RARB: variants seen among roughly 807,000 people sequenced by gnomAD.
RARB encodes the protein HBV-activated protein.
In RARB, 17 loss-of-function variants were observed where a neutral mutation model predicts 51.9. The ratio of observed to expected loss-of-function variants is 0.33; its 90% CI spans 0.22 to 0.49. The LOEUF (loss-of-function observed/expected upper bound fraction) is 0.49, where lower values mean the gene tolerates loss of function less well. Ranked by LOEUF, RARB falls within the 20% of genes least tolerant of loss-of-function variation. RARB has a pLI of 0.99. For synonymous variants in RARB, 215 were observed against 195.4 expected (o/e 1.10, Z -0.84); for missense variants, 369 against 550.8 (o/e 0.67, Z 3.30).
chr3:24,837,228 T>C (rs1460704826), intron 1 of RARB, among the ~76,000 whole-genome samples: 1 of 152,238 alleles, frequency 6.6e-6, no homozygotes, highest in Non-Finnish European at 1.5e-5. Flanking sequence ...CCATGAATAA[T>C]GTGGTCATCT....
intron 2 of RARB, among the ~76,000 whole-genome samples, chr3:24,889,372 T>G (rs1292642646): frequency 6.6e-6 from 1 of 152,294 alleles, no homozygotes; most frequent in African/African-American, 2.4e-5. Context: ...AAATCTTGAC[T>G]TCTCAAAAAA....
intron 3 of RARB, among the ~76,000 whole-genome samples, chr3:25,109,227 C>A (rs1699559579): frequency 6.6e-6 from 1 of 152,080 alleles, no homozygotes; most frequent in African/African-American, 2.4e-5. Flanking sequence ...AATATATTAG[C>A]TGGTATTTCA....
chr3:25,456,349 T>C (rs983250779), intron 1 of RARB, among the ~76,000 whole-genome samples: 1 of 151,834 alleles, frequency 6.6e-6, no homozygotes, highest in Non-Finnish European at 1.5e-5. Flanking sequence ...TCTTGGGGGG[T>C]GGAGGAAGGC....
At chr3:25,303,556 T>C (rs1466583773) in intron 5 of RARB, among the ~76,000 whole-genome samples, 1 of 152,210 alleles carries the variant, frequency 6.6e-6, no homozygotes, top group Non-Finnish European at 1.5e-5. Flanking sequence ...TCTAATCTCC[T>C]GTGATCTTTT....
chr3:24,950,332 C>G (rs1695862696), intron 2 of RARB, among the ~76,000 whole-genome samples: 1 of 152,118 alleles, frequency 6.6e-6, no homozygotes, highest in African/African-American at 2.4e-5. Context: ...AATACATGTT[C>G]TTCACATAAT....
chr3:25,008,172 G>A (rs982640217), intron 2 of RARB, among the ~76,000 whole-genome samples: 2 of 152,060 alleles, frequency 1.3e-5, no homozygotes, highest in African/African-American at 2.4e-5. Flanking sequence ...ACAGTGTTTC[G>A]TTTGGGCAGT....
At chr3:25,375,198 A>G (rs1037813474) in intron 5 of RARB, among the ~76,000 whole-genome samples, 3 of 152,224 alleles carry the variant, frequency 2.0e-5, no homozygotes, top group African/African-American at 7.2e-5. Context: ...AAAAATCATT[A>G]GCTTCAAACA....
chr3:25,477,404 G>A (rs1326362737), intron 2 of RARB, among the ~76,000 whole-genome samples: 1 of 152,104 alleles, frequency 6.6e-6, no homozygotes, highest in Non-Finnish European at 1.5e-5. Context: ...TTACACAATG[G>A]TTGAACTTAT....
chr3:25,070,157 C>A (rs73149149), intron 3 of RARB, among the ~76,000 whole-genome samples: 1 of 152,156 alleles, frequency 6.6e-6, no homozygotes, highest in Admixed American at 6.5e-5. Flanking sequence ...CCTTCACCAG[C>A]GCATGGCGTT....
At chr3:25,153,375 C>G (rs2125342519) in intron 4 of RARB, among the ~76,000 whole-genome samples, 1 of 152,270 alleles carries the variant, frequency 6.6e-6, no homozygotes, top group Admixed American at 6.5e-5. Context: ...AAATGTGGCT[C>G]AAAATCTCAT....
At chr3:25,228,849 G>A (rs565464874) in intron 5 of RARB, among the ~76,000 whole-genome samples, 4 of 152,270 alleles carry the variant, frequency 2.6e-5, no homozygotes, top group Admixed American at 1.3e-4. Context: ...TCTCCTAGAA[G>A]AGCAAATCTT....
In RARB at chr3:25,460,323, A is replaced by C. The variant is rs562712931; in HGVS notation, c.158-870A>C. Among the ~76,000 whole-genome samples the C allele has an allele frequency of 2.0e-5, 3 of 152,158 alleles. No homozygotes were observed. The South Asian group carries it at 6.2e-4, about 32-fold the overall frequency. On this transcript the variant is annotated intron_variant, in intron 1 of 7. Transcript: ENST00000330688. ...AAGGATCTTACCCATATTGTTATTAATGAAGATCAGTTATGGCTGCATCAT... is the reference window on the plus strand; with the variant it reads ...AAGGATCTTACCCATATTGTTATTACTGAAGATCAGTTATGGCTGCATCAT...
intron 3 of RARB, among the ~76,000 whole-genome samples, chr3:25,105,420 T>A (rs1699479919): frequency 8.3e-6 from 1 of 120,162 alleles, no homozygotes; most frequent in African/African-American, 3.2e-5. Flanking sequence ...TGTATACATG[T>A]GCAAAAAAAA....
At chr3:24,977,122 A>G (rs554364732) in intron 2 of RARB, among the ~76,000 whole-genome samples, 3 of 151,970 alleles carry the variant, frequency 2.0e-5, no homozygotes, top group African/African-American at 7.2e-5. Flanking sequence ...TGGTCTATAT[A>G]TCTGTTTTGG....
chr3:24,957,083 G>T (rs1358488714), intron 2 of RARB, among the ~76,000 whole-genome samples: 3 of 152,184 alleles, frequency 2.0e-5, no homozygotes, highest in Non-Finnish European at 2.9e-5. Context: ...ACAAGGTGAT[G>T]TCTTCTGAGG....
chr3:24,991,909 C>T (rs941846029), intron 2 of RARB, among the ~76,000 whole-genome samples: 23 of 152,128 alleles, frequency 1.5e-4, no homozygotes, highest in African/African-American at 5.6e-4. Context: ...ATGAGGACCT[C>T]TTCACCCAGG....
At chr3:25,405,765 T>C (rs1707389616) in intron 5 of RARB, among the ~76,000 whole-genome samples, 1 of 152,244 alleles carries the variant, frequency 6.6e-6, no homozygotes, top group Non-Finnish European at 1.5e-5. Context: ...ATTTCCGTCA[T>C]CACAGAAAGT....
At chr3:25,113,934 C>T (rs553444726) in intron 3 of RARB, among the ~76,000 whole-genome samples, 47 of 152,202 alleles carry the variant, frequency 3.1e-4, no homozygotes, top group African/African-American at 1.1e-3. Context: ...GCCCTGTTCC[C>T]CTGGAAATGG....
chr3:24,834,441 C>T (rs549131459), intron 1 of RARB, among the ~76,000 whole-genome samples: 11 of 152,042 alleles, frequency 7.2e-5, no homozygotes, highest in African/African-American at 2.7e-4. Flanking sequence ...ATTTTTTTGA[C>T]AAAAAATAAA....
Sources: allele counts gnomAD v4.1 joint callset (sites outside exome capture counted in the v4.1 genomes callset), GRCh38; gene constraint gnomAD v4.1.1; transcripts MANE v1.5; gene names NCBI Gene and HGNC (gene_info 2026-07-23, HGNC 2026-07-21).